SPIRE2: variants seen among roughly 807,000 people sequenced by gnomAD.
SPIRE2 encodes the protein protein spire homolog 2.
SPIRE2 carries 76 observed loss-of-function variants against 80.7 expected under a neutral mutation model. The ratio of observed to expected loss-of-function variants is 0.94; its 90% CI spans 0.78 to 1.14. The LOEUF (loss-of-function observed/expected upper bound fraction) is 1.14, where lower values mean the gene tolerates loss of function less well. SPIRE2 is among the 50% of genes most tolerant of loss of function. The pLI is 0.00. For missense variants in SPIRE2, 1,196 were observed against 1,015.3 expected (o/e 1.18, Z -2.42); for synonymous variants, 535 against 432.6 (o/e 1.24, Z -2.94).
chr16:89,838,610 C>T (rs1053314277), intron 1 of SPIRE2, among the ~76,000 whole-genome samples: 8 of 152,162 alleles, frequency 5.3e-5, no homozygotes, highest in African/African-American at 1.9e-4. Context: ...TGCCCCAGAC[C>T]ACCAGGCCCC....
chr16:89,832,565 T>C (rs888546913), intron 1 of SPIRE2, among the ~76,000 whole-genome samples: 1 of 152,126 alleles, frequency 6.6e-6, no homozygotes, highest in Non-Finnish European at 1.5e-5. Flanking sequence ...AGCAGCTTCC[T>C]GACTCCTCAC....
Position 89,860,693 on chromosome 16 carries a change from C to T in SPIRE2, c.1473C>T (p.Pro491=), listed in dbSNP as rs143936823. The T allele has an allele frequency of 2.3e-4, 372 of 1,589,952 alleles. 1 individual carries two copies. The highest frequency in any genetic ancestry group is 1.2e-3 in the Middle Eastern group (7 of 6,026). The part of the protein sequence containing the change: ...RPGSRDQGTC[P]ASVSDPSHPL... Reference sequence around the variant, plus strand: ...TCTGCTCTCCCCCAGGTACCTGTCCCGCGAGTGTCTCTGACCCCAGCCACC... The same window carrying T: ...TCTGCTCTCCCCCAGGTACCTGTCCTGCGAGTGTCTCTGACCCCAGCCACC... The change falls in exon 10 of 15, where the codon CCC becomes CCT. Residue 491 remains proline, a synonymous_variant. Transcript: ENST00000378247.
intron 1 of SPIRE2, among the ~76,000 whole-genome samples, chr16:89,832,141 C>T (rs1329558193): frequency 1.3e-5 from 2 of 152,248 alleles, no homozygotes; most frequent in African/African-American, 2.4e-5. Flanking sequence ...GCTCTGGGCC[C>T]AGGAAGCACC....
chr16:89,869,499 C>T, intron 13 of SPIRE2, 68 bp from the exon 14 acceptor site: 2 of 1,091,494 alleles, frequency 1.8e-6, no homozygotes, highest in East Asian at 4.8e-5. Context: ...AGGGAGGTCC[C>T]CTAGCACTGA....
intron 1 of SPIRE2, among the ~76,000 whole-genome samples, chr16:89,832,045 G>T (rs536433646): frequency 1.4e-4 from 22 of 152,256 alleles, no homozygotes; most frequent in African/African-American, 5.1e-4. Flanking sequence ...CCCGCGCCGT[G>T]CTGATGAGCA....
At position 89,863,850 on chromosome 16, in the gene SPIRE2, C is replaced by T. The variant is rs745895575; in HGVS notation, c.1767C>T (p.Leu589=). Residue 589 remains leucine (L), a synonymous_variant, in exon 12 of 15, where the codon CTC becomes CTT. Coordinates refer to ENST00000378247, the MANE Select transcript of SPIRE2 (RefSeq NM_032451.2). This position sits in a 1 kb window ranked among gnomAD's most constrained non-coding sequence, Gnocchi z 4.3. The part of the protein sequence containing the change: ...FPLFSWPPSC[L]FCKRAVCTSC... ...TGTTCTCGTGGCCGCCCAGCTGTCT[C>T]TTCTGCAAGAGGTGAGCCTTCCCTT... The T allele has an allele frequency of 1.2e-6, 2 of 1,613,644 alleles. No homozygotes were observed. Among genetic ancestry groups the T allele is most frequent in the Admixed American group, 3.3e-5 (2 of 59,948 alleles).
intron 2 of SPIRE2, among the ~76,000 whole-genome samples, chr16:89,847,981 CCTCT>C (rs2041579409): frequency 6.6e-6 from 1 of 152,164 alleles, no homozygotes; most frequent in South Asian, 2.1e-4. Context: ...CTGCTTCCTC[CCTCT>C]GTCTGTCCTG....
chr16:89,867,364 T>G (rs1696239687), intron 12 of SPIRE2, among the ~76,000 whole-genome samples: 1 of 151,834 alleles, frequency 6.6e-6, no homozygotes. Flanking sequence ...AGGCCGATGT[T>G]GAACACCTGA....
At chr16:89,835,799 C>T (rs973797684) in intron 1 of SPIRE2, among the ~76,000 whole-genome samples, 3 of 152,194 alleles carry the variant, frequency 2.0e-5, no homozygotes, top group Admixed American at 6.5e-5. Context: ...TCTCTGTCCT[C>T]CTCATTCCAA....
intron 1 of SPIRE2, among the ~76,000 whole-genome samples, chr16:89,840,176 G>A (rs2041490704): frequency 6.6e-6 from 1 of 151,752 alleles, no homozygotes; most frequent in Non-Finnish European, 1.5e-5. Context: ...CCTTCCTCTT[G>A]AAGCTGCTGG....
chr16:89,860,737 G>A lies in SPIRE2; in HGVS notation c.1517G>A (p.Gly506Asp), dbSNP rs774307804. The change falls in exon 10 of 15, where the codon GGC becomes GAC. Residue 506 changes from glycine (G) to aspartate (D), a missense_variant. Coordinates refer to ENST00000378247, the MANE Select transcript of SPIRE2 (RefSeq NM_032451.2). ...AGCCACCCCCTACTCAGCAACCGGG[G>A]CTCCTCGGGGGACAGACCCGAGGCC... The part of the protein sequence containing the change: ...DPSHPLLSNR[G>D]SSGDRPEASM... The A allele has an allele frequency of 1.3e-6, 2 of 1,587,158 alleles. No homozygotes were observed. Among genetic ancestry groups the A allele is most frequent in the East Asian group, 4.6e-5 (2 of 43,282 alleles).
At chr16:89,861,011 C>A (rs531868988) in intron 10 of SPIRE2, among the ~76,000 whole-genome samples, 1 of 152,104 alleles carries the variant, frequency 6.6e-6, no homozygotes, top group Non-Finnish European at 1.5e-5. Context: ...TGGGGCCGAA[C>A]CGCACTGCAC....
At chr16:89,864,012 G>A (rs1463619653) in intron 12 of SPIRE2, 151 bp downstream of exon 12, 3 of 579,366 alleles carry the variant, frequency 5.2e-6, no homozygotes, top group Non-Finnish European at 9.2e-6. Flanking sequence ...GTACGAATGA[G>A]GAGTTAAATT....
At chr16:89,849,278 G>A (rs1307183305) in intron 2 of SPIRE2, among the ~76,000 whole-genome samples, 1 of 152,160 alleles carries the variant, frequency 6.6e-6, no homozygotes, top group Admixed American at 6.5e-5. Flanking sequence ...GCACAGAGCT[G>A]AGAGAGGGGC....
At chr16:89,857,185 G>A (rs1290613899) in intron 7 of SPIRE2, among the ~76,000 whole-genome samples, 3 of 132,846 alleles carry the variant, frequency 2.3e-5, no homozygotes, top group Admixed American at 1.7e-4. Context: ...CACCCCGGCT[G>A]TAGTGCAGTG....
intron 5 of SPIRE2, 57 bp downstream of exon 5, chr16:89,854,708 C>T (rs1034431387): frequency 9.5e-6 from 15 of 1,572,194 alleles, no homozygotes; most frequent in African/African-American, 8.2e-5. Flanking sequence ...GTGAGCGGGG[C>T]GGACGCAGAT....
At position 89,850,363 on chromosome 16, in the gene SPIRE2, C is replaced by T. The variant is rs1186443715; in HGVS notation, c.348C>T (p.Ser116=). The change falls in exon 3 of 15, where the codon AGC becomes AGT. Residue 116 remains serine, a synonymous_variant. Coordinates refer to ENST00000378247, the MANE Select transcript of SPIRE2 (RefSeq NM_032451.2). ...YRALDWGLDE[S]EERELSPQLE... ...CGCTGGACTGGGGGCTGGACGAGAG[C>T]GAGGAGCGCGAACTCAGCCCTCAGC... The T allele has an allele frequency of 2.5e-6, 4 of 1,598,836 alleles. No individual in the cohort carries two copies. Among genetic ancestry groups the T allele is most frequent in the Non-Finnish European group, 2.6e-6 (3 of 1,174,572 alleles).
At chr16:89,836,244 A>G (rs1218459151) in intron 1 of SPIRE2, 1 of 455,832 alleles carries the variant, frequency 2.2e-6, no homozygotes, top group Non-Finnish European at 4.4e-6. Flanking sequence ...AGGATGATCC[A>G]CCTGTCAGGG....
intron 14 of SPIRE2, 139 bp downstream of exon 14, chr16:89,869,821 C>A (rs184129508): frequency 2.7e-6 from 2 of 747,836 alleles, no homozygotes; most frequent in Admixed American, 4.2e-5. Context: ...AGAGACGGAT[C>A]GTTGTGTAGG....
Sources: gnomAD v4.1 joint callset for allele counts (sites outside exome capture counted in the v4.1 genomes callset) on GRCh38, gnomAD v4.1.1 for gene constraint, Gnocchi (gnomAD v3.1) non-coding constraint, MANE v1.5 for transcripts, NCBI Gene and HGNC (gene_info 2026-07-23, HGNC 2026-07-21) for gene names.